The following ADAMTS3 variants were observed in gnomAD, a reference collection of about 807,000 sequenced individuals.
ADAMTS3 encodes the protein ADAM metallopeptidase with thrombospondin type 1 motif 3, also known as A disintegrin and metalloproteinase with thrombospondin motifs 3.
Under a neutral mutation model 129.0 loss-of-function variants are expected in ADAMTS3, and 73 were observed. That is an observed-to-expected ratio of 0.57 (90% CI 0.47 to 0.69). The LOEUF is 0.69. Ranked by LOEUF, ADAMTS3 falls within the 30% of genes least tolerant of loss-of-function variation. ADAMTS3 has a pLI of 0.00. For synonymous variants in ADAMTS3, 477 were observed against 510.8 expected (o/e 0.93, Z 0.89); for missense variants, 1,457 against 1,514.5 (o/e 0.96, Z 0.63).
Position 72,389,008 on chromosome 4 carries a change from C to G in ADAMTS3, c.661+25807G>C, listed in dbSNP as rs115289421. Among the ~76,000 whole-genome samples, 46 of 152,168 alleles carry G rather than the reference C, an allele frequency of 3.0e-4. 1 individual carries two copies. Among genetic ancestry groups the G allele is most frequent in the Admixed American group, 2.9e-3 (45 of 15,278 alleles). ...CTGAGATTTTGTTGGGGGCTGGTCACGTAGCCATCCTCGGCCTAGCACAAA... is the reference window on the plus strand; with the variant it reads ...CTGAGATTTTGTTGGGGGCTGGTCAGGTAGCCATCCTCGGCCTAGCACAAA... On this transcript the variant is annotated intron_variant, in intron 4 of 21. Coordinates refer to ENST00000286657, the MANE Select transcript of ADAMTS3 (RefSeq NM_014243.3).
At chr4:72,392,993 T>G (rs1721639204) in intron 4 of ADAMTS3, among the ~76,000 whole-genome samples, 1 of 150,298 alleles carries the variant, frequency 6.7e-6, no homozygotes, top group South Asian at 2.1e-4. Context: ...TGGCGCAATC[T>G]CAGCTCACTA....
Position 72,319,876 on chromosome 4 carries a change from G to A in ADAMTS3, c.1190C>T (p.Ala397Val), listed in dbSNP as rs1719507621. The A allele has an allele frequency of 6.2e-7, 1 of 1,613,650 alleles. No individual in the cohort carries two copies. Among genetic ancestry groups the A allele is most frequent in the South Asian group, 1.1e-5 (1 of 91,072 alleles). ...GACTTACACATGGCCCGTTTCATGG[G>A]CTACTACAAAAGCAGATGAAAAACC... ...EDGFSSAFVV[A>V]HETGHVLGME... is the part of the protein sequence containing the mutation. The change falls in exon 8 of 22, where the codon GCC (alanine) becomes GTC (valine). Residue 397 changes from alanine to valine, a missense_variant. Coordinates refer to ENST00000286657, the MANE Select transcript of ADAMTS3 (RefSeq NM_014243.3).
chr4:72,334,539 A>T (rs1285046454), intron 5 of ADAMTS3, among the ~76,000 whole-genome samples: 2 of 152,138 alleles, frequency 1.3e-5, no homozygotes, highest in African/African-American at 4.8e-5. Context: ...TAAAAATTTT[A>T]AAACTCTACT....
At position 72,421,489 on chromosome 4, in the gene ADAMTS3, A is replaced by G. The variant is rs79756122; in HGVS notation, c.505-6518T>C. ...GACAGGTGAAAATAAAACACCTTAG[A>G]TTTAGAAGGAAGCTGAAAAGGAATG... On this transcript the variant is annotated intron_variant, in intron 3 of 21. Transcript: ENST00000286657. Among the ~76,000 whole-genome samples, 1,083 of 152,310 alleles carry G rather than the reference A, an allele frequency of 7.1e-3. 18 individuals are homozygous for G. The highest frequency in any genetic ancestry group is 0.025 in the African/African-American group (1,035 of 41,572).
intron 3 of ADAMTS3, among the ~76,000 whole-genome samples, chr4:72,519,207 G>T (rs374312278): frequency 1.3e-5 from 2 of 151,894 alleles, no homozygotes; most frequent in Non-Finnish European, 2.9e-5. Context: ...CGAGAGATCC[G>T]CTGTTAGTCT....
chr4:72,528,998 G>A (rs747042422), intron 3 of ADAMTS3, among the ~76,000 whole-genome samples: 2 of 152,016 alleles, frequency 1.3e-5, no homozygotes, highest in African/African-American at 4.8e-5. Flanking sequence ...ACCAATATAC[G>A]GTAGAGTAAT....
At chr4:72,557,391 T>C (rs1188516539) in intron 2 of ADAMTS3, among the ~76,000 whole-genome samples, 1 of 151,848 alleles carries the variant, frequency 6.6e-6, no homozygotes, top group Non-Finnish European at 1.5e-5. Flanking sequence ...CAATTAAAAA[T>C]TAATTGTGAC....
chr4:72,344,329 C>T (rs958608305), intron 4 of ADAMTS3, among the ~76,000 whole-genome samples: 14 of 151,974 alleles, frequency 9.2e-5, no homozygotes, highest in Admixed American at 8.5e-4. Context: ...CTCCCTACCC[C>T]AGAAAAAAAT....
chr4:72,378,270 A>G (rs781680551), intron 4 of ADAMTS3, among the ~76,000 whole-genome samples: 19 of 152,290 alleles, frequency 1.2e-4, no homozygotes, highest in Non-Finnish European at 2.5e-4. Context: ...TCCACTTTAA[A>G]TTGGATATTA....
At chr4:72,528,674 G>A (rs1305202162) in intron 3 of ADAMTS3, among the ~76,000 whole-genome samples, 1 of 151,952 alleles carries the variant, frequency 6.6e-6, no homozygotes, top group Non-Finnish European at 1.5e-5. Flanking sequence ...TAAAATCTTA[G>A]GTACCTCAAA....
In ADAMTS3 at chr4:72,298,289, G is replaced by T; in HGVS notation, c.2578C>A (p.Pro860Thr). Reference sequence around the variant, plus strand: ...GTTCAATGGTTACCTCCACCACAGGGTTTGGAACACTGAGACCAGCTCTTC... The same window carrying T: ...GTTCAATGGTTACCTCCACCACAGGTTTTGGAACACTGAGACCAGCTCTTC... ...ALKSWSQCSK[P>T]CGGGFQYTKY... Residue 860 changes from proline (P) to threonine (T), a missense_variant, in exon 18 of 22, where the codon CCC becomes ACC. Physicochemically the swap from Pro to Thr is conservative, Grantham distance 38. Coordinates refer to ENST00000286657, the MANE Select transcript of ADAMTS3 (RefSeq NM_014243.3). 1 of 1,612,316 alleles carries T rather than the reference G, an allele frequency of 6.2e-7. No individual in the cohort carries two copies. The highest frequency in any genetic ancestry group is 8.5e-7 in the Non-Finnish European group (1 of 1,178,858).
intron 4 of ADAMTS3, among the ~76,000 whole-genome samples, chr4:72,364,890 A>G (rs1037983659): frequency 1.1e-4 from 17 of 152,104 alleles, no homozygotes; most frequent in Non-Finnish European, 2.4e-4. Context: ...CACTAGGCCA[A>G]AACTTTGAAA....
At chr4:72,440,514 C>T (rs368050312) in intron 3 of ADAMTS3, among the ~76,000 whole-genome samples, 52 of 151,874 alleles carry the variant, frequency 3.4e-4, no homozygotes, top group Admixed American at 9.9e-4. Context: ...ATATGATGTT[C>T]ACTCAGCCCA....
At chr4:72,527,323 C>G in intron 3 of ADAMTS3, among the ~76,000 whole-genome samples, 1 of 152,066 alleles carries the variant, frequency 6.6e-6, no homozygotes, top group East Asian at 1.9e-4. Context: ...TTACTTATTT[C>G]AAAAAGCAGC....
At chr4:72,476,223 T>C (rs575157304) in intron 3 of ADAMTS3, among the ~76,000 whole-genome samples, 1 of 151,468 alleles carries the variant, frequency 6.6e-6, no homozygotes, top group Non-Finnish European at 1.5e-5. Flanking sequence ...ACTGAAAAAA[T>C]ATCTAGCAAG....
intron 3 of ADAMTS3, among the ~76,000 whole-genome samples, chr4:72,478,427 A>G (rs1334586801): frequency 7.3e-5 from 11 of 150,112 alleles, no homozygotes; most frequent in African/African-American, 2.7e-4. Flanking sequence ...TATAAACAGA[A>G]CCAAAGACAA....
At chr4:72,529,790 A>T (rs1481523380) in intron 3 of ADAMTS3, among the ~76,000 whole-genome samples, 1 of 98,284 alleles carries the variant, frequency 1.0e-5, no homozygotes, top group Non-Finnish European at 1.9e-5. Flanking sequence ...ATATGATATA[A>T]TTTAATATAA....
chr4:72,284,035 A>T (rs1300838504), intron 21 of ADAMTS3, among the ~76,000 whole-genome samples: 1 of 152,190 alleles, frequency 6.6e-6, no homozygotes, highest in African/African-American at 2.4e-5. Flanking sequence ...CGTTGTGGTT[A>T]AATTTTTAGG....
Position 72,329,013 on chromosome 4 carries a change from T to A in ADAMTS3, c.862-5916A>T, listed in dbSNP as rs555137990. Among the ~76,000 whole-genome samples the A allele has an allele frequency of 4.0e-4, 61 of 152,306 alleles. 1 individual carries two copies. The South Asian group carries it at 0.012, about 31-fold the overall frequency. ...TCTGCCAACTCTTCCCTCATCTCCA[T>A]TCTCATATTAATAATAACTACTGTT... On this transcript the variant is annotated intron_variant, in intron 5 of 21. Transcript: ENST00000286657.
Sources: allele counts gnomAD v4.1 joint callset (sites outside exome capture counted in the v4.1 genomes callset), GRCh38; gene constraint gnomAD v4.1.1; transcripts MANE v1.5; gene names NCBI Gene and HGNC (gene_info 2026-07-23, HGNC 2026-07-21).